FOXP2: variants seen among roughly 807,000 people sequenced by gnomAD.
FOXP2 encodes the protein forkhead box protein P2.
FOXP2 carries 12 observed loss-of-function variants against 115.8 expected under a neutral mutation model. The ratio of observed to expected loss-of-function variants is 0.10; its 90% CI spans 0.07 to 0.17. The LOEUF (loss-of-function observed/expected upper bound fraction) is 0.17, where lower values mean the gene tolerates loss of function less well. Among genes scored for constraint, FOXP2 ranks in the 10% least tolerant of loss-of-function variants. The pLI, the probability that FOXP2 is intolerant of heterozygous loss-of-function variation, is 1.00. For missense variants in FOXP2, 629 were observed against 843.5 expected (o/e 0.75, Z 3.15); for synonymous variants, 328 against 297.7 (o/e 1.10, Z -1.05).
intron 6 of FOXP2, among the ~76,000 whole-genome samples, chr7:114,635,534 C>T (rs1238856280): frequency 2.0e-5 from 3 of 152,022 alleles, no homozygotes; most frequent in African/African-American, 4.8e-5. Context: ...GCCAAGCTAC[C>T]TGTGAATGCT....
intron 2 of FOXP2, among the ~76,000 whole-genome samples, chr7:114,527,141 C>T (rs893234624): frequency 2.0e-5 from 3 of 151,920 alleles, no homozygotes; most frequent in South Asian, 2.1e-4. Context: ...TATCAATATT[C>T]CATTCACTTT....
chr7:114,103,657 G>T (rs1304593994), intron 1 of FOXP2, among the ~76,000 whole-genome samples: 1 of 151,972 alleles, frequency 6.6e-6, no homozygotes, highest in Non-Finnish European at 1.5e-5. Flanking sequence ...CTAGCTAATG[G>T]ATTGTTTAAC....
chr7:114,301,506 G>A (rs1371489486), intron 2 of FOXP2, among the ~76,000 whole-genome samples: 1 of 152,060 alleles, frequency 6.6e-6, no homozygotes, highest in African/African-American at 2.4e-5. Context: ...CTTAAATAGT[G>A]GTATGCCCCT....
chr7:114,130,477 CAG>C (rs1482363955), intron 1 of FOXP2, among the ~76,000 whole-genome samples: 1 of 152,080 alleles, frequency 6.6e-6, no homozygotes, highest in African/African-American at 2.4e-5. Flanking sequence ...ATTGAGGAAA[CAG>C]AATTAGGAAA....
intron 2 of FOXP2, among the ~76,000 whole-genome samples, chr7:114,470,493 A>G (rs1584775320): frequency 6.6e-6 from 1 of 152,146 alleles, no homozygotes; most frequent in Non-Finnish European, 1.5e-5. Flanking sequence ...TCTTTTTGGT[A>G]GCCTATAAGA....
chr7:114,502,065 A>C (rs1194698865), intron 2 of FOXP2, among the ~76,000 whole-genome samples: 1 of 152,036 alleles, frequency 6.6e-6, no homozygotes, highest in Non-Finnish European at 1.5e-5. Flanking sequence ...CCATCGGCAT[A>C]TTTCTAAAGT....
At chr7:114,484,687 C>T (rs1437042477) in intron 2 of FOXP2, among the ~76,000 whole-genome samples, 1 of 151,744 alleles carries the variant, frequency 6.6e-6, no homozygotes, top group African/African-American at 2.4e-5. Flanking sequence ...AAATCATATC[C>T]TGAATTGCAC....
chr7:114,507,971 A>T (rs1360205702), intron 2 of FOXP2, among the ~76,000 whole-genome samples: 1 of 152,006 alleles, frequency 6.6e-6, no homozygotes, highest in East Asian at 1.9e-4. Context: ...AAATGATAAC[A>T]TTCAGCATTC....
At chr7:114,456,501 C>T (rs1795317689) in intron 2 of FOXP2, among the ~76,000 whole-genome samples, 1 of 151,920 alleles carries the variant, frequency 6.6e-6, no homozygotes, top group Non-Finnish European at 1.5e-5. Context: ...AGTATTTGTC[C>T]CCAAGAATTA....
intron 1 of FOXP2, among the ~76,000 whole-genome samples, chr7:114,196,123 C>T (rs1793898324): frequency 6.6e-6 from 1 of 152,058 alleles, no homozygotes; most frequent in African/African-American, 2.4e-5. Flanking sequence ...AGTGATTCTC[C>T]TGCCTCAGCC....
chr7:114,677,624 A>G (rs1380116653), intron 16 of FOXP2, among the ~76,000 whole-genome samples: 1 of 152,210 alleles, frequency 6.6e-6, no homozygotes, highest in African/African-American at 2.4e-5. Context: ...CATTAACATT[A>G]CTTCTGCCGT....
intron 2 of FOXP2, among the ~76,000 whole-genome samples, chr7:114,295,869 G>A (rs1796731584): frequency 6.6e-6 from 1 of 151,906 alleles, no homozygotes; most frequent in Non-Finnish European, 1.5e-5. Context: ...GCAGCTCACA[G>A]CACAGTAGGT....
intron 1 of FOXP2, among the ~76,000 whole-genome samples, chr7:114,269,460 C>T (rs1011580795): frequency 6.6e-6 from 1 of 152,078 alleles, no homozygotes; most frequent in African/African-American, 2.4e-5. Context: ...CAGTCTTGCT[C>T]TGTCACCCAG....
chr7:114,364,467 C>G (rs374100610), intron 2 of FOXP2, among the ~76,000 whole-genome samples: 1 of 152,256 alleles, frequency 6.6e-6, no homozygotes, highest in African/African-American at 2.4e-5. Context: ...TAACCCTGAG[C>G]AAATGCCTTC....
At chr7:114,176,001 C>T (rs926727945) in intron 1 of FOXP2, among the ~76,000 whole-genome samples, 1 of 152,036 alleles carries the variant, frequency 6.6e-6, no homozygotes, top group Non-Finnish European at 1.5e-5. Context: ...TTTTTCTCCC[C>T]CTAGATTTAT....
chr7:114,415,421 A>G (rs2129199824), intron 1 of FOXP2, 61 bp downstream of exon 1: 1 of 375,808 alleles, frequency 2.7e-6, no homozygotes, highest in East Asian at 7.4e-5. Context: ...GGATTTTACG[A>G]TTGCTTTACT....
At chr7:114,372,119 G>T (rs2255176) in intron 2 of FOXP2, among the ~76,000 whole-genome samples, 145,519 of 152,234 alleles carry the variant, frequency 0.96, 69,823 homozygotes, top group East Asian at 1. Flanking sequence ...GACTTGGATA[G>T]CTTGGCCATG....
chr7:114,685,382 T>C (rs554365236), intron 16 of FOXP2, among the ~76,000 whole-genome samples: 4 of 152,284 alleles, frequency 2.6e-5, no homozygotes, highest in African/African-American at 9.6e-5. Context: ...AATAGTACCT[T>C]GGAGACTTAA....
intron 3 of FOXP2, among the ~76,000 whole-genome samples, chr7:114,569,576 G>A (rs981649062): frequency 2.0e-5 from 3 of 151,868 alleles, no homozygotes; most frequent in Admixed American, 6.6e-5. Context: ...GTAGCACAAG[G>A]CTGTTGACAA....
Sources: allele counts gnomAD v4.1 joint callset (sites outside exome capture counted in the v4.1 genomes callset), GRCh38; gene constraint gnomAD v4.1.1; transcripts MANE v1.5; gene names NCBI Gene and HGNC (gene_info 2026-07-23, HGNC 2026-07-21).